The following PRKDC variants were observed in gnomAD, a reference collection of about 807,000 sequenced individuals.
PRKDC encodes DNA-dependent protein kinase catalytic subunit.
A neutral mutation model predicts 486.9 loss-of-function variants in PRKDC; 82 were observed. The ratio of observed to expected loss-of-function variants is 0.17; its 90% confidence interval spans 0.14 to 0.20. PRKDC has a LOEUF of 0.20. Among genes scored for constraint, PRKDC ranks in the 10% least tolerant of loss-of-function variants. The pLI is 1.00. For synonymous variants in PRKDC, 1,895 were observed against 1,837.0 expected (o/e 1.03, Z -0.81); for missense variants, 4,504 against 5,038.2 (o/e 0.89, Z 3.21).
At chr8:47,914,306 A>C (rs1364883375) in intron 23 of PRKDC, among the ~76,000 whole-genome samples, 1 of 152,222 alleles carries the variant, frequency 6.6e-6, no homozygotes, top group Non-Finnish European at 1.5e-5. Context: ...TTTAATATCC[A>C]AATTCAGTAA....
In PRKDC at chr8:47,915,343, T is replaced by G; in HGVS notation, c.2602A>C (p.Lys868Gln). ...MLGSLGGQIN[K>Q]NLLTVTSSDE... ...AGAAGTTTACCTGTCAGAAGATTTTTGTTTATTTGTCCTCCTAGAGATCCA... is the reference window on the plus strand; with the variant it reads ...AGAAGTTTACCTGTCAGAAGATTTTGGTTTATTTGTCCTCCTAGAGATCCA... Residue 868 changes from lysine to glutamine, a missense_variant, in exon 23 of 86, where the codon AAA (lysine) becomes CAA (glutamine). Transcript: ENST00000314191. 1.9e-6 allele frequency: 3 copies of G among 1,541,412 alleles called. No individual in the cohort carries two copies. Among genetic ancestry groups the G allele is most frequent in the Non-Finnish European group, 2.6e-6 (3 of 1,134,294 alleles).
In PRKDC at chr8:47,830,685, T is replaced by C. The variant is rs182343050; in HGVS notation, c.8317A>G (p.Arg2773Gly). The change falls in exon 61 of 86, where the codon AGA (arginine) becomes GGA (glycine). Residue 2773 changes from arginine (R) to glycine (G), a missense_variant. Physicochemically the swap from Arg to Gly is moderately radical, Grantham distance 125. Around this residue, in one of 6 missense-constraint regions of PRKDC, gnomAD observed 1,592 missense variants for 1,724.6 expected, o/e 0.92. Transcript: ENST00000314191. ...GGAAGGTCTCCGTGCCGGTAGCTTC[T>C]GTACAGAACGACCTGGGCATCCTGC... ...MKQDAQVVLY[R>G]SYRHGDLPDI... 3 of 1,614,032 alleles carry C rather than the reference T, an allele frequency of 1.9e-6. No homozygotes were observed. Among genetic ancestry groups the C allele is most frequent in the East Asian group, 4.5e-5 (2 of 44,872 alleles).
chr8:47,866,583 T>C (rs941301574), intron 40 of PRKDC, among the ~76,000 whole-genome samples: 1 of 152,098 alleles, frequency 6.6e-6, no homozygotes, highest in Non-Finnish European at 1.5e-5. Context: ...AAATTAAATA[T>C]ATAAAAATAT....
At chr8:47,930,834 A>T (rs2090238275) in intron 16 of PRKDC, 47 bp from the exon 17 acceptor site, 1 of 1,491,692 alleles carries the variant, frequency 6.7e-7, no homozygotes, top group Middle Eastern at 1.7e-4. Flanking sequence ...TTCAATCACG[A>T]ATCACTCAAC....
Position 47,830,709 on chromosome 8 carries a change from G to T in PRKDC, c.8293C>A (p.Gln2765Lys). ...KEIKSELKMKQDAQVVLYRSY... is the reference protein window; with the variant it reads ...KEIKSELKMKKDAQVVLYRSY... The stretch of plus-strand genomic sequence containing the variant: ...CTGTACAGAACGACCTGGGCATCCT[G>T]CTTCATTTTTAACTCACTCTTGATT... The change falls in exon 61 of 86, where the codon CAG becomes AAG. Residue 2765 changes from glutamine (Q) to lysine (K), a missense_variant. Gln to Lys is a moderately conservative substitution (Grantham distance 53). This residue lies in a region of PRKDC where 1,592 missense variants were observed against 1,724.6 expected (regional missense o/e 0.92). Coordinates refer to ENST00000314191, the MANE Select transcript of PRKDC (RefSeq NM_006904.7). 1 of 1,613,954 alleles carries T rather than the reference G, an allele frequency of 6.2e-7. No individual in the cohort carries two copies. The highest frequency in any genetic ancestry group is 8.5e-7 in the Non-Finnish European group (1 of 1,179,872).
chr8:47,894,723 A>T (rs1394703308), intron 30 of PRKDC, among the ~76,000 whole-genome samples: 4 of 152,200 alleles, frequency 2.6e-5, no homozygotes, highest in Admixed American at 6.5e-5. Flanking sequence ...TCCTGTACCC[A>T]GGACTGCTGC....
chr8:47,823,867 C>T lies in PRKDC; in HGVS notation c.8913G>A (p.Gln2971=), dbSNP rs769809464. 2 of 1,613,602 alleles carry T rather than the reference C, an allele frequency of 1.2e-6. No individual in the cohort carries two copies. The highest frequency in any genetic ancestry group is 4.5e-5 in the East Asian group (2 of 44,848). The part of the protein sequence containing the change: ...ARSDYSEAAK[Q]YDEALNKQDW... ...CAGAGATCAATTTTACCTCATCATA[C>T]TGCTTAGCAGCTTCAGAATAATCAC... Residue 2971 remains glutamine, a synonymous_variant, in exon 64 of 86, where the codon CAG becomes CAA. Coordinates refer to ENST00000314191, the MANE Select transcript of PRKDC (RefSeq NM_006904.7).
chr8:47,832,736 A>G (rs2154499515), intron 59 of PRKDC, among the ~76,000 whole-genome samples: 1 of 152,348 alleles, frequency 6.6e-6, no homozygotes, highest in Middle Eastern at 3.4e-3. Context: ...GAAGAACTCA[A>G]CAAAATCACC....
intron 31 of PRKDC, among the ~76,000 whole-genome samples, chr8:47,892,879 G>A (rs2089492969): frequency 6.6e-6 from 1 of 152,092 alleles, no homozygotes; most frequent in Non-Finnish European, 1.5e-5. Context: ...AATATTAACA[G>A]TTTTGTGTAT....
intron 54 of PRKDC, among the ~76,000 whole-genome samples, chr8:47,848,098 G>C (rs1335759493): frequency 2.0e-5 from 3 of 152,248 alleles, no homozygotes; most frequent in African/African-American, 7.2e-5. Context: ...AAGGAAGTGA[G>C]AGTTGAACTA....
chr8:47,778,974 A>C (rs2086654116), intron 81 of PRKDC, 30 bp downstream of exon 81: 2 of 1,524,074 alleles, frequency 1.3e-6, no homozygotes, highest in Middle Eastern at 1.7e-4. Context: ...TGAACTAACT[A>C]ATACAAAGAA....
chr8:47,924,649 C>A (rs895470581), intron 21 of PRKDC, among the ~76,000 whole-genome samples: 1 of 152,086 alleles, frequency 6.6e-6, no homozygotes, highest in Non-Finnish European at 1.5e-5. Context: ...ATTCAGATAC[C>A]ACACTCCTAG....
intron 15 of PRKDC, 29 bp downstream of exon 15, chr8:47,933,936 C>T (rs8178027): frequency 7.5e-6 from 12 of 1,591,620 alleles, no homozygotes; most frequent in South Asian, 2.3e-5. Flanking sequence ...AAGTAAGGTA[C>T]ATTTATGGCT....
At chr8:47,862,633 T>A in intron 42 of PRKDC, 92 bp from the exon 43 acceptor site, 1 of 1,269,984 alleles carries the variant, frequency 7.9e-7, no homozygotes. Flanking sequence ...CTAATGCCAT[T>A]CAGCCTTTCT....
In PRKDC at chr8:47,780,025, A is replaced by G. The variant is rs199868480; in HGVS notation, c.11490-932T>C. ...TACCTCCTGGGTTCAAGCAATTCTC[A>G]TGCCTCAGCCTCCTAAGTGGCTGGG... On this transcript the variant is annotated intron_variant, in intron 80 of 85. Transcript: ENST00000314191. Among the ~76,000 whole-genome samples the G allele has an allele frequency of 1.1e-3, 153 of 141,088 alleles. 3 individuals carry two copies. In the East Asian group the frequency reaches 0.031, roughly 29 times the overall value. 92.6% of individuals were successfully genotyped at this position (141,088 alleles called of 152,430 possible).
chr8:47,871,851 A>C (rs1353442914), intron 40 of PRKDC, among the ~76,000 whole-genome samples: 1 of 151,908 alleles, frequency 6.6e-6, no homozygotes, highest in Non-Finnish European at 1.5e-5. Context: ...TCGGCCTCCC[A>C]AAGTGCTGGG....
At chr8:47,822,456 GA>G (rs1396358835) in intron 64 of PRKDC, among the ~76,000 whole-genome samples, 4 of 152,094 alleles carry the variant, frequency 2.6e-5, no homozygotes, top group Admixed American at 6.5e-5. Flanking sequence ...AATAAAATTA[GA>G]ATACAGGACA....
At chr8:47,897,411 A>G (rs2089600484) in intron 29 of PRKDC, 117 bp from the exon 30 acceptor site, 1 of 1,043,576 alleles carries the variant, frequency 9.6e-7, no homozygotes, top group Non-Finnish European at 1.3e-6. Context: ...AAATCTCACT[A>G]AAAGGCATTC....
chr8:47,924,241 G>A (rs2090120213), intron 21 of PRKDC, among the ~76,000 whole-genome samples: 1 of 152,088 alleles, frequency 6.6e-6, no homozygotes, highest in Non-Finnish European at 1.5e-5. Context: ...TTGGAACCAA[G>A]GAGTCCTGGT....
Sources: gnomAD v4.1 joint callset for allele counts (sites outside exome capture counted in the v4.1 genomes callset) on GRCh38, gnomAD v4.1.1 for gene constraint, gnomAD v4.1.1 regional missense constraint, MANE v1.5 for transcripts, NCBI Gene and HGNC (gene_info 2026-07-23, HGNC 2026-07-21) for gene names.